CDH13: variants seen among roughly 807,000 people sequenced by gnomAD.
CDH13 encodes cadherin-13.
Under a neutral mutation model 63.8 loss-of-function variants are expected in CDH13, and 24 were observed. The ratio of observed to expected loss-of-function variants is 0.38; its 90% CI spans 0.27 to 0.53. CDH13 has a LOEUF of 0.53. Ranked by LOEUF, CDH13 falls within the 20% of genes least tolerant of loss-of-function variation. The pLI, the probability that CDH13 is intolerant of heterozygous loss-of-function variation, is 0.85. For missense variants in CDH13, 1,049 were observed against 903.1 expected (o/e 1.16, Z -2.07); for synonymous variants, 503 against 355.3 (o/e 1.42, Z -4.67).
In CDH13 at chr16:83,700,649, C is replaced by T. The variant is rs143585296; in HGVS notation, c.1538+22188C>T. 3.3e-3 allele frequency among the ~76,000 whole-genome samples: 506 copies of T among 152,264 alleles called. 3 individuals carry two copies. The highest frequency in any genetic ancestry group is 8.8e-3 in the African/African-American group (365 of 41,560). On this transcript the variant is annotated intron_variant, in intron 10 of 13. Transcript: ENST00000567109. ...TGCAATCCCATATTTCCTTTTTTTA[C>T]ACATTGAAGTACTTTTTTATGAGCA...
intron 5 of CDH13, among the ~76,000 whole-genome samples, chr16:83,224,074 G>C (rs886411418): frequency 1.6e-4 from 25 of 152,116 alleles, no homozygotes; most frequent in African/African-American, 5.6e-4. Context: ...CTAATTATGA[G>C]TGAGAACATA....
intron 1 of CDH13, among the ~76,000 whole-genome samples, chr16:82,718,111 C>T (rs1266377344): frequency 2.6e-5 from 4 of 152,140 alleles, no homozygotes; most frequent in Non-Finnish European, 5.9e-5. Context: ...GGAAGTGAGA[C>T]AGGGAAGAAA....
chr16:83,560,904 C>CT (rs969144489), intron 7 of CDH13, among the ~76,000 whole-genome samples: 1 of 151,942 alleles, frequency 6.6e-6, no homozygotes, highest in African/African-American at 2.4e-5. Context: ...GGTTGGCCCC[C>CT]CCCCCGCCCC....
intron 3 of CDH13, among the ~76,000 whole-genome samples, chr16:83,069,326 A>G (rs755598409): frequency 5.3e-5 from 8 of 152,170 alleles, no homozygotes; most frequent in Non-Finnish European, 1.2e-4. Context: ...TGTGAGTTTC[A>G]GATTTCTGAT....
At chr16:83,568,363 C>T (rs574003798) in intron 7 of CDH13, among the ~76,000 whole-genome samples, 1 of 152,282 alleles carries the variant, frequency 6.6e-6, no homozygotes, top group African/African-American at 2.4e-5. Flanking sequence ...GGATGAAATT[C>T]TGGTCCTTCT....
chr16:82,816,650 G>A (rs898938218), intron 1 of CDH13, among the ~76,000 whole-genome samples: 1 of 152,062 alleles, frequency 6.6e-6, no homozygotes, highest in Non-Finnish European at 1.5e-5. Flanking sequence ...GAAGCCCAAG[G>A]AGGTCATCAT....
At chr16:82,788,979 C>T (rs546455320) in intron 1 of CDH13, among the ~76,000 whole-genome samples, 2 of 152,164 alleles carry the variant, frequency 1.3e-5, no homozygotes, top group East Asian at 1.9e-4. Flanking sequence ...CCTACTAGGC[C>T]GTTAGTCAAT....
intron 6 of CDH13, among the ~76,000 whole-genome samples, chr16:83,408,052 C>G (rs1253310159): frequency 6.6e-6 from 1 of 152,194 alleles, no homozygotes; most frequent in Non-Finnish European, 1.5e-5. Context: ...CTCCCAGCAG[C>G]AGTGGCACCA....
intron 6 of CDH13, among the ~76,000 whole-genome samples, chr16:83,469,232 T>C (rs149597052): frequency 3.5e-4 from 53 of 152,252 alleles, no homozygotes; most frequent in African/African-American, 1.3e-3. Flanking sequence ...AGCCTGAAAG[T>C]TCCCAACTCT....
chr16:83,257,179 A>AG (rs975042560), intron 5 of CDH13, among the ~76,000 whole-genome samples: 1 of 151,568 alleles, frequency 6.6e-6, no homozygotes, highest in African/African-American at 2.4e-5. Context: ...TGCTTCCTCG[A>AG]GGGTGAGTAG....
chr16:82,716,090 A>G (rs886492721), intron 1 of CDH13, among the ~76,000 whole-genome samples: 1 of 152,212 alleles, frequency 6.6e-6, no homozygotes, highest in African/African-American at 2.4e-5. Flanking sequence ...ATGAGTCCTT[A>G]GGACACAGAA....
chr16:83,213,739 G>A (rs796606018), intron 4 of CDH13, among the ~76,000 whole-genome samples: 15 of 152,312 alleles, frequency 9.8e-5, no homozygotes, highest in African/African-American at 3.4e-4. Context: ...GGGCAAAGGT[G>A]GTAATGAGAG....
chr16:82,863,107 C>A, intron 2 of CDH13, among the ~76,000 whole-genome samples: 1 of 152,158 alleles, frequency 6.6e-6, no homozygotes, highest in Middle Eastern at 3.2e-3. Context: ...GGATCACAGT[C>A]TCTACAAAGA....
At chr16:83,509,968 T>G (rs8045135) in intron 7 of CDH13, among the ~76,000 whole-genome samples, 91 of 152,164 alleles carry the variant, frequency 6.0e-4, no homozygotes, top group African/African-American at 2.1e-3. Context: ...AGCATGGTAT[T>G]GTAGCCAGCG....
At chr16:83,098,891 G>A (rs1166033019) in intron 3 of CDH13, among the ~76,000 whole-genome samples, 3 of 152,138 alleles carry the variant, frequency 2.0e-5, no homozygotes, top group African/African-American at 7.2e-5. Flanking sequence ...TGGGAAAAAA[G>A]GTTAATTGTG....
intron 6 of CDH13, among the ~76,000 whole-genome samples, chr16:83,357,178 C>T (rs1173535718): frequency 6.6e-6 from 1 of 152,150 alleles, no homozygotes; most frequent in Non-Finnish European, 1.5e-5. Context: ...CACATCCAGA[C>T]TCCAGAGCTG....
At chr16:83,360,858 A>G (rs780450485) in intron 6 of CDH13, among the ~76,000 whole-genome samples, 13 of 152,300 alleles carry the variant, frequency 8.5e-5, no homozygotes, top group Admixed American at 5.2e-4. Context: ...TTCACCATTC[A>G]TGAGTACCTA....
At chr16:83,366,981 A>C (rs11643322) in intron 6 of CDH13, among the ~76,000 whole-genome samples, 13,753 of 152,142 alleles carry the variant, frequency 0.09, 848 homozygotes, top group Non-Finnish European at 0.14. Context: ...TATAATTCAT[A>C]GACTGTATGA....
Position 83,438,667 on chromosome 16 carries a change from A to T in CDH13, c.782-47810A>T, listed in dbSNP as rs563428539. On this transcript the variant is annotated intron_variant, in intron 6 of 13. Transcript: ENST00000567109. ...TCAGCTCTTTTATACTAGAGCCTGT[A>T]TATAGTACGTTCTTTCCCACAAATC... Among the ~76,000 whole-genome samples the T allele has an allele frequency of 2.6e-5, 4 of 152,370 alleles. No individual in the cohort carries two copies. The East Asian group carries it at 7.7e-4, about 29-fold the overall frequency.
Sources: gnomAD v4.1 joint callset for allele counts (sites outside exome capture counted in the v4.1 genomes callset) on GRCh38, gnomAD v4.1.1 for gene constraint, MANE v1.5 for transcripts, NCBI Gene and HGNC (gene_info 2026-07-23, HGNC 2026-07-21) for gene names.